CSMD1: variants seen among roughly 807,000 people sequenced by gnomAD.
CSMD1 encodes the protein CUB and sushi domain-containing protein 1.
CSMD1 carries 213 observed loss-of-function variants against 417.5 expected under a neutral mutation model. The observed-to-expected ratio is 0.51, with a 90% confidence interval of 0.46 to 0.57. CSMD1 has a LOEUF of 0.57. CSMD1 is among the 20% of genes least tolerant of loss of function. The pLI, the probability that CSMD1 is intolerant of heterozygous loss-of-function variation, is 0.00. For synonymous variants in CSMD1, 2,862 were observed against 1,736.8 expected (o/e 1.65, Z -16.11); for missense variants, 6,923 against 4,529.7 (o/e 1.53, Z -15.17).
At chr8:4,230,720 T>C (rs533946601) in intron 3 of CSMD1, among the ~76,000 whole-genome samples, 1 of 152,346 alleles carries the variant, frequency 6.6e-6, no homozygotes, top group East Asian at 1.9e-4. Context: ...TTAATGACTA[T>C]AAATATAAAA....
At chr8:3,488,680 A>G (rs1254143677) in intron 11 of CSMD1, among the ~76,000 whole-genome samples, 1 of 152,218 alleles carries the variant, frequency 6.6e-6, no homozygotes, top group African/African-American at 2.4e-5. Flanking sequence ...ATAATTATTT[A>G]AAGAATCAAG....
At chr8:4,773,578 C>G (rs1379326018) in intron 1 of CSMD1, among the ~76,000 whole-genome samples, 1 of 152,152 alleles carries the variant, frequency 6.6e-6, no homozygotes, top group African/African-American at 2.4e-5. Flanking sequence ...ATCCTCCTTT[C>G]TCGTCTATAT....
At chr8:3,471,768 A>G (rs1363288457) in intron 11 of CSMD1, among the ~76,000 whole-genome samples, 1 of 152,100 alleles carries the variant, frequency 6.6e-6, no homozygotes, top group African/African-American at 2.4e-5. Context: ...TATAAAAGAA[A>G]AATATGTATC....
chr8:3,234,479 C>A (rs370986361), intron 26 of CSMD1, among the ~76,000 whole-genome samples: 2 of 152,140 alleles, frequency 1.3e-5, no homozygotes, highest in East Asian at 3.9e-4. Flanking sequence ...GAAAACAGCA[C>A]TCTCAGTGGA....
intron 5 of CSMD1, among the ~76,000 whole-genome samples, chr8:3,814,582 G>T (rs962637093): frequency 2.6e-5 from 4 of 152,172 alleles, no homozygotes; most frequent in Admixed American, 6.5e-5. Context: ...GCACCTAGTG[G>T]TAAGGCCATG....
intron 3 of CSMD1, among the ~76,000 whole-genome samples, chr8:4,359,895 C>G (rs1801653971): frequency 6.6e-6 from 1 of 152,190 alleles, no homozygotes; most frequent in African/African-American, 2.4e-5. Flanking sequence ...CAGCCCCTAC[C>G]TTTTAACCAC....
At chr8:4,637,197 C>T (rs908700031) in intron 2 of CSMD1, 145 bp downstream of exon 2, 2 of 623,088 alleles carry the variant, frequency 3.2e-6, no homozygotes, top group African/African-American at 3.8e-5. Context: ...AGGTCTGTGG[C>T]TTCATTCTTG....
chr8:4,396,009 A>C (rs753519483), intron 3 of CSMD1, among the ~76,000 whole-genome samples: 6 of 152,182 alleles, frequency 3.9e-5, no homozygotes, highest in Non-Finnish European at 5.9e-5. Flanking sequence ...ATGTTTTATA[A>C]TCATTTTGTT....
chr8:3,275,254 G>T (rs1481346306), intron 26 of CSMD1, among the ~76,000 whole-genome samples: 3 of 152,122 alleles, frequency 2.0e-5, no homozygotes, highest in South Asian at 2.1e-4. Flanking sequence ...TTGAATATTG[G>T]CCACCGCTCT....
chr8:4,974,602 A>G (rs1053889712), intron 1 of CSMD1, among the ~76,000 whole-genome samples: 1 of 152,186 alleles, frequency 6.6e-6, no homozygotes. Context: ...AAACATCAAC[A>G]TATATATTTT....
At chr8:3,416,221 G>A (rs890047334) in intron 12 of CSMD1, among the ~76,000 whole-genome samples, 1 of 144,658 alleles carries the variant, frequency 6.9e-6, no homozygotes, top group African/African-American at 2.5e-5. Context: ...AGAATGGTGT[G>A]AACCTAGTAG....
At chr8:3,415,446 C>G (rs1201315714) in intron 12 of CSMD1, among the ~76,000 whole-genome samples, 3 of 152,240 alleles carry the variant, frequency 2.0e-5, no homozygotes, top group Non-Finnish European at 4.4e-5. Context: ...TAACCTCTAC[C>G]TCCCGGATTC....
chr8:3,053,750 G>C (rs974747702), intron 49 of CSMD1, among the ~76,000 whole-genome samples: 1 of 152,088 alleles, frequency 6.6e-6, no homozygotes, highest in East Asian at 1.9e-4. Context: ...GATTACATGT[G>C]ACAGTCATGA....
intron 1 of CSMD1, among the ~76,000 whole-genome samples, chr8:4,727,095 G>A (rs908215983): frequency 1.3e-5 from 2 of 152,116 alleles, no homozygotes; most frequent in African/African-American, 2.4e-5. Context: ...GCTGAGTAGG[G>A]TGAGGAAGCT....
chr8:3,887,820 T>C (rs1806668112), intron 5 of CSMD1, among the ~76,000 whole-genome samples: 1 of 152,214 alleles, frequency 6.6e-6, no homozygotes, highest in African/African-American at 2.4e-5. Context: ...CTGCCTCCGT[T>C]TGTTCATCTG....
intron 6 of CSMD1, among the ~76,000 whole-genome samples, chr8:3,721,250 T>C (rs1385305439): frequency 6.6e-6 from 1 of 152,210 alleles, no homozygotes; most frequent in Non-Finnish European, 1.5e-5. Flanking sequence ...ATCATTTTTT[T>C]TCCTTTTATA....
intron 33 of CSMD1, among the ~76,000 whole-genome samples, chr8:3,193,792 C>T (rs1015937229): frequency 2.6e-5 from 4 of 152,118 alleles, no homozygotes; most frequent in Non-Finnish European, 4.4e-5. Flanking sequence ...TGGGAAGCAG[C>T]GCAAATGTGT....
chr8:4,469,075 T>C (rs1209748901), intron 2 of CSMD1, among the ~76,000 whole-genome samples: 1 of 152,152 alleles, frequency 6.6e-6, no homozygotes, highest in Non-Finnish European at 1.5e-5. Flanking sequence ...CACAATTGTG[T>C]CTTACACAGA....
At chr8:4,386,693 G>A (rs1803477143) in intron 3 of CSMD1, among the ~76,000 whole-genome samples, 1 of 152,208 alleles carries the variant, frequency 6.6e-6, no homozygotes, top group Non-Finnish European at 1.5e-5. Context: ...AGAATGTATT[G>A]CAGACAAGGA....
Sources: allele counts gnomAD v4.1 joint callset (sites outside exome capture counted in the v4.1 genomes callset), GRCh38; gene constraint gnomAD v4.1.1; transcripts MANE v1.5; gene names NCBI Gene and HGNC (gene_info 2026-07-23, HGNC 2026-07-21).